Variants in CSMD1 observed in about 807,000 individuals in gnomAD.
CSMD1 encodes the protein CUB and Sushi multiple domains 1, also known as CUB and sushi domain-containing protein 1.
CSMD1 carries 213 observed loss-of-function variants against 417.5 expected under a neutral mutation model. The ratio of observed to expected loss-of-function variants is 0.51; its 90% confidence interval spans 0.46 to 0.57. The LOEUF (loss-of-function observed/expected upper bound fraction) is 0.57, where lower values mean the gene tolerates loss of function less well. Among genes scored for constraint, CSMD1 ranks in the 20% least tolerant of loss-of-function variants. The pLI is 0.00. For missense variants in CSMD1, 6,923 were observed against 4,529.7 expected, an observed-to-expected ratio of 1.53 and a Z score of -15.17; for synonymous variants, 2,862 against 1,736.8, an observed-to-expected ratio of 1.65 and a Z score of -16.11.
intron 1 of CSMD1, among the ~76,000 whole-genome samples, chr8:4,770,936 G>C (rs890795348): frequency 6.6e-6 from 1 of 151,980 alleles, no homozygotes; most frequent in African/African-American, 2.4e-5. Context: ...TCAGGCTACA[G>C]AACAAACAAT....
At chr8:4,201,924 A>G (rs1799672058) in intron 3 of CSMD1, among the ~76,000 whole-genome samples, 1 of 151,232 alleles carries the variant, frequency 6.6e-6, no homozygotes, top group Non-Finnish European at 1.5e-5. Flanking sequence ...GCCATGCTCA[A>G]TAGCATTTAT....
At chr8:3,093,193 G>T (rs992074825) in intron 47 of CSMD1, among the ~76,000 whole-genome samples, 1 of 152,154 alleles carries the variant, frequency 6.6e-6, no homozygotes, top group East Asian at 1.9e-4. Flanking sequence ...GTTAAACGAG[G>T]TAGTATGGGT....
At chr8:4,534,579 C>T (rs1222239432) in intron 2 of CSMD1, among the ~76,000 whole-genome samples, 1 of 151,814 alleles carries the variant, frequency 6.6e-6, no homozygotes, top group African/African-American at 2.4e-5. Context: ...TCAACCCCTC[C>T]CCTCCTCCCT....
intron 21 of CSMD1, 29 bp from the exon 22 acceptor site, chr8:3,348,190 G>C (rs754025984): frequency 1.9e-6 from 3 of 1,574,784 alleles, no homozygotes; most frequent in South Asian, 1.2e-5. Context: ...GAGAGAAAGA[G>C]GATTCAAAAG....
chr8:3,236,350 A>G (rs1477714963), intron 26 of CSMD1, among the ~76,000 whole-genome samples: 1 of 152,166 alleles, frequency 6.6e-6, no homozygotes, highest in African/African-American at 2.4e-5. Flanking sequence ...CAAACCCCCA[A>G]ACACTTTGTA....
At chr8:3,953,796 G>C (rs1163096232) in intron 5 of CSMD1, among the ~76,000 whole-genome samples, 3 of 152,032 alleles carry the variant, frequency 2.0e-5, no homozygotes, top group Non-Finnish European at 4.4e-5. Context: ...CAACACCTCA[G>C]AGCTATACAG....
intron 23 of CSMD1, among the ~76,000 whole-genome samples, chr8:3,336,290 T>A (rs1313750451): frequency 6.6e-6 from 1 of 152,176 alleles, no homozygotes; most frequent in Non-Finnish European, 1.5e-5. Flanking sequence ...CCAAGGCCCC[T>A]GAACCCTGAG....
At chr8:4,110,376 G>C (rs1248657990) in intron 3 of CSMD1, among the ~76,000 whole-genome samples, 1 of 152,012 alleles carries the variant, frequency 6.6e-6, no homozygotes, top group African/African-American at 2.4e-5. Context: ...TTAATCTAAG[G>C]GAAAAGTCAG....
chr8:3,677,157 C>A (rs1799418103), intron 7 of CSMD1, among the ~76,000 whole-genome samples: 1 of 151,978 alleles, frequency 6.6e-6, no homozygotes, highest in Admixed American at 6.6e-5. Flanking sequence ...TAACCCAGAA[C>A]TTAAAGTAAA....
intron 3 of CSMD1, among the ~76,000 whole-genome samples, chr8:4,094,591 T>C (rs1005688853): frequency 6.6e-6 from 1 of 152,154 alleles, no homozygotes; most frequent in Middle Eastern, 3.2e-3. Context: ...AGCACCGTGC[T>C]GTGCTTGTGT....
intron 7 of CSMD1, among the ~76,000 whole-genome samples, chr8:3,705,213 A>G (rs1801097810): frequency 6.6e-6 from 1 of 152,214 alleles, no homozygotes. Context: ...ACTGAAGGCA[A>G]CAAGGGGCAC....
chr8:3,767,252 T>A (rs1798322704), intron 5 of CSMD1, among the ~76,000 whole-genome samples: 1 of 152,224 alleles, frequency 6.6e-6, no homozygotes, highest in South Asian at 2.1e-4. Context: ...CAGGCTCTTT[T>A]ATGAAAACCA....
At chr8:2,988,543 C>T (rs1373808944) in intron 54 of CSMD1, among the ~76,000 whole-genome samples, 1 of 152,114 alleles carries the variant, frequency 6.6e-6, no homozygotes, top group African/African-American at 2.4e-5. Flanking sequence ...TCCAAGAAAG[C>T]TCCTCTAGGG....
rs185107297 is a variant in CSMD1, at chr8:4,905,615, C to G, written c.85+88717G>C. On this transcript the variant is annotated intron_variant, in intron 1 of 69. Transcript: ENST00000635120. ...TGGGCCCATCACGAGGTCATGAGATCGAGGCCATCCTGGCTAACACGGTGA... is the reference window on the plus strand; with the variant it reads ...TGGGCCCATCACGAGGTCATGAGATGGAGGCCATCCTGGCTAACACGGTGA... Among the ~76,000 whole-genome samples the G allele has an allele frequency of 8.6e-3, 1,307 of 151,702 alleles. 19 individuals carry two copies. The highest frequency in any genetic ancestry group is 0.029 in the African/African-American group (1,202 of 41,388).
At chr8:3,292,825 C>A (rs138099900) in intron 25 of CSMD1, among the ~76,000 whole-genome samples, 8,969 of 152,020 alleles carry the variant, frequency 0.059, 482 homozygotes, top group African/African-American at 0.14. Flanking sequence ...AGCCCATTTA[C>A]ATTTAAGGTT....
At chr8:4,148,075 C>T (rs1284897204) in intron 3 of CSMD1, among the ~76,000 whole-genome samples, 1 of 152,118 alleles carries the variant, frequency 6.6e-6, no homozygotes, top group East Asian at 1.9e-4. Flanking sequence ...AGGAGGAAGA[C>T]TTTTCTCTTG....
At chr8:3,719,983 G>C (rs529652220) in intron 6 of CSMD1, among the ~76,000 whole-genome samples, 1 of 152,176 alleles carries the variant, frequency 6.6e-6, no homozygotes, top group African/African-American at 2.4e-5. Context: ...CAGAGCTGTG[G>C]TGAAGATTAC....
intron 41 of CSMD1, among the ~76,000 whole-genome samples, chr8:3,141,636 G>T (rs867798368): frequency 6.6e-6 from 1 of 151,978 alleles, no homozygotes; most frequent in Admixed American, 6.6e-5. Context: ...GCACCTGGTG[G>T]ATCAGCTGAC....
chr8:3,660,552 G>T, intron 7 of CSMD1, among the ~76,000 whole-genome samples: 1 of 95,586 alleles, frequency 1.0e-5, no homozygotes, highest in African/African-American at 4.2e-5. Context: ...AAAAAACAAG[G>T]CCCTGCAGTC....
Sources: allele counts gnomAD v4.1 joint callset (sites outside exome capture counted in the v4.1 genomes callset), GRCh38; gene constraint gnomAD v4.1.1; transcripts MANE v1.5; gene names NCBI Gene and HGNC (gene_info 2026-07-23, HGNC 2026-07-21).